Variants in SLC30A8 observed in about 807,000 individuals in gnomAD.
SLC30A8 encodes the protein solute carrier family 30 member 8, also known as proton-coupled zinc antiporter SLC30A8.
Under a neutral mutation model 36.9 loss-of-function variants are expected in SLC30A8, and 27 were observed. The observed-to-expected ratio is 0.73, with a 90% CI of 0.54 to 1.01. The LOEUF (loss-of-function observed/expected upper bound fraction) is 1.01. Among genes scored for constraint, SLC30A8 ranks in the 50% least tolerant of loss-of-function variants. The pLI is 0.00. For synonymous variants in SLC30A8, 164 were observed against 172.4 expected (o/e 0.95, Z 0.38); for missense variants, 439 against 452.0 (o/e 0.97, Z 0.26).
chr8:117,150,493 G>T (rs1447088922), intron 2 of SLC30A8, among the ~76,000 whole-genome samples: 2 of 152,190 alleles, frequency 1.3e-5, no homozygotes, highest in African/African-American at 4.8e-5. Flanking sequence ...CTCTTATCTT[G>T]TTATAAGTGT....
At position 117,041,082 on chromosome 8, in the gene SLC30A8, G is replaced by T. The variant is rs145407280; in HGVS notation, c.-226+1824G>T. Among the ~76,000 whole-genome samples the T allele has an allele frequency of 6.4e-3, 971 of 152,302 alleles. 16 individuals carry two copies. The highest frequency in any genetic ancestry group is 0.022 in the African/African-American group (920 of 41,536). On this transcript the variant is annotated intron_variant, in intron 2 of 10. Coordinates refer to the SLC30A8 transcript ENST00000427715. ...GCACAGATGCATGCTGGATTCCGCG[G>T]TGCCAAACCAAACAGTTTGCCATTT... is the stretch of plus-strand genomic sequence containing the variant.
intron 1 of SLC30A8, among the ~76,000 whole-genome samples, chr8:116,999,197 C>T (rs372326466): frequency 3.3e-5 from 5 of 151,978 alleles, no homozygotes; most frequent in East Asian, 1.9e-4. Flanking sequence ...AGGCAGAGGT[C>T]GCAGTGAGCC....
chr8:117,128,244 C>T (rs562576943), intron 2 of SLC30A8, among the ~76,000 whole-genome samples: 10 of 152,136 alleles, frequency 6.6e-5, no homozygotes, highest in East Asian at 3.9e-4. Context: ...TGCTGACTTA[C>T]GGGGAATTAT....
chr8:117,062,673 A>T lies in SLC30A8; in HGVS notation c.-226+23415A>T, dbSNP rs145208714. 1.4e-3 allele frequency among the ~76,000 whole-genome samples: 211 copies of T among 152,270 alleles called. 2 individuals are homozygous for T. The highest frequency in any genetic ancestry group is 3.8e-3 in the African/African-American group (159 of 41,556). On this transcript the variant is annotated intron_variant, in intron 2 of 10. Transcript: ENST00000427715. Reference sequence around the variant, plus strand: ...GGAGTCTGCATTCAGAGTGGCACATAAGTGTGGCCATAGGGCTGGGGTCAG... The same window carrying T: ...GGAGTCTGCATTCAGAGTGGCACATTAGTGTGGCCATAGGGCTGGGGTCAG...
Position 117,006,968 on chromosome 8 carries a change from TTTTTTTTTTTTTTTTTC to T in SLC30A8, c.-265-32249_-265-32233del, listed in dbSNP as rs1230036703. 1.2e-3 allele frequency: 114 copies of T among 94,854 alleles called. 2 individuals carry two copies. Among genetic ancestry groups the T allele is most frequent in the African/African-American group, 4.3e-3 (110 of 25,430 alleles). The allele number at this position is 94,854 out of a possible 1,614,324, so 5.9% of individuals were successfully genotyped here. On this transcript the variant is annotated intron_variant, in intron 1 of 10. Transcript: ENST00000427715. ...TGGCTAATTCTTGTTTTTTTTTTTT[TTTTTTTTTTTTTTTTTC>T]TGTAGAGACAGCATTTCCCCATGTT...
chr8:116,961,156 G>A (rs775481553), intron 1 of SLC30A8, among the ~76,000 whole-genome samples: 21 of 152,130 alleles, frequency 1.4e-4, no homozygotes, highest in South Asian at 2.1e-4. Context: ...TGGGCCAGGC[G>A]CGGTGGCTCA....
intron 1 of SLC30A8, among the ~76,000 whole-genome samples, chr8:116,974,369 G>T (rs537453455): frequency 4.6e-5 from 7 of 152,294 alleles, no homozygotes; most frequent in Non-Finnish European, 8.8e-5. Context: ...ATCAAAAAGT[G>T]GGGGAAGGAC....
chr8:117,008,447 A>T (rs936805122), intron 1 of SLC30A8, among the ~76,000 whole-genome samples: 13 of 152,226 alleles, frequency 8.5e-5, no homozygotes, highest in Non-Finnish European at 1.8e-4. Context: ...ACTCAGGTTT[A>T]AGTGCCTTAC....
intron 1 of SLC30A8, among the ~76,000 whole-genome samples, chr8:117,013,182 G>A (rs1389936559): frequency 1.3e-5 from 2 of 152,164 alleles, no homozygotes; most frequent in South Asian, 2.1e-4. Context: ...AAGAAATTTG[G>A]AAGATAAGAG....
At chr8:117,101,408 A>G (rs1207370009) in intron 2 of SLC30A8, among the ~76,000 whole-genome samples, 1 of 152,140 alleles carries the variant, frequency 6.6e-6, no homozygotes, top group Non-Finnish European at 1.5e-5. Context: ...TAGTCAGGAG[A>G]CCTATTTAAC....
chr8:116,969,539 C>T (rs1289719205), intron 1 of SLC30A8, among the ~76,000 whole-genome samples: 2 of 152,176 alleles, frequency 1.3e-5, no homozygotes, highest in Non-Finnish European at 2.9e-5. Flanking sequence ...ATGACAGGAA[C>T]ACATTCTGAG....
chr8:117,042,217 T>C (rs140775237), intron 2 of SLC30A8, among the ~76,000 whole-genome samples: 84 of 152,330 alleles, frequency 5.5e-4, no homozygotes, highest in African/African-American at 1.9e-3. Flanking sequence ...CACCCTGATA[T>C]CAGCAATAAA....
At chr8:117,093,046 G>T (rs1047510004) in intron 2 of SLC30A8, among the ~76,000 whole-genome samples, 4 of 152,056 alleles carry the variant, frequency 2.6e-5, no homozygotes, top group Admixed American at 2.6e-4. Context: ...CTTACCAGGG[G>T]CTGGTAGAAT....
intron 1 of SLC30A8, among the ~76,000 whole-genome samples, chr8:116,984,770 T>C (rs1354076406): frequency 6.6e-6 from 1 of 152,142 alleles, no homozygotes; most frequent in Non-Finnish European, 1.5e-5. Flanking sequence ...TTGTCTGATA[T>C]GTAATTTGCA....
chr8:116,999,085 C>G (rs542241945), intron 1 of SLC30A8, among the ~76,000 whole-genome samples: 1 of 152,208 alleles, frequency 6.6e-6, no homozygotes, highest in South Asian at 2.1e-4. Flanking sequence ...ATGGTGAAAC[C>G]CTGTCTCTAC....
intron 1 of SLC30A8, among the ~76,000 whole-genome samples, chr8:117,038,217 C>G (rs1817276285): frequency 6.6e-6 from 1 of 152,182 alleles, no homozygotes; most frequent in African/African-American, 2.4e-5. Flanking sequence ...AGTTAAGCCT[C>G]TCTTTTAGCC....
intron 1 of SLC30A8, among the ~76,000 whole-genome samples, chr8:117,144,012 A>G (rs1821783262): frequency 6.6e-6 from 1 of 152,142 alleles, no homozygotes; most frequent in Non-Finnish European, 1.5e-5. Context: ...ATTCATGAGA[A>G]ACATAAAATA....
chr8:117,163,019 TTA>T (rs1441957510), intron 5 of SLC30A8, among the ~76,000 whole-genome samples: 1 of 152,228 alleles, frequency 6.6e-6, no homozygotes, highest in Non-Finnish European at 1.5e-5. Context: ...TCTGAACAAG[TTA>T]TGTCCTTTCT....
At chr8:116,966,791 G>A (rs577486905) in intron 1 of SLC30A8, among the ~76,000 whole-genome samples, 132 of 152,288 alleles carry the variant, frequency 8.7e-4, no homozygotes, top group Admixed American at 1.5e-3. Flanking sequence ...GGAGGATGTT[G>A]TTACTCAGGT....
Sources: allele counts gnomAD v4.1 joint callset (sites outside exome capture counted in the v4.1 genomes callset), GRCh38; gene constraint gnomAD v4.1.1; transcripts MANE v1.5; gene names NCBI Gene and HGNC (gene_info 2026-07-23, HGNC 2026-07-21).